PSMA1: variants seen among roughly 807,000 people sequenced by gnomAD.
PSMA1 encodes the protein proteasome subunit alpha type-1.
A neutral mutation model predicts 38.4 loss-of-function variants in PSMA1; 3 were observed. The observed-to-expected ratio is 0.08, with a 90% confidence interval of 0.04 to 0.20. The LOEUF (loss-of-function observed/expected upper bound fraction) is 0.20, where lower values mean the gene tolerates loss of function less well. PSMA1 is among the 10% of genes least tolerant of loss of function. PSMA1 has a pLI of 1.00. For synonymous variants in PSMA1, 101 were observed against 107.1 expected (o/e 0.94, Z 0.35); for missense variants, 227 against 325.3 (o/e 0.70, Z 2.32).
In PSMA1 at chr11:14,534,205, C is replaced by A. The variant is rs1565038709; in HGVS notation, c.22-15164G>T. The stretch of plus-strand genomic sequence containing the variant: ...TCAAAAATACATACATACATACATA[C>A]ATAAATAAAATAAAATAAAAATTAA... On this transcript the variant is annotated intron_variant, in intron 2 of 10. Coordinates refer to the PSMA1 transcript ENST00000418988. The surrounding 1 kb of genome is among the most constrained non-coding windows in gnomAD (Gnocchi z 4.5). 1.3e-5 allele frequency among the ~76,000 whole-genome samples: 2 copies of A among 151,912 alleles called. No individual in the cohort carries two copies. Among genetic ancestry groups the A allele is most frequent in the Admixed American group, 1.3e-4 (2 of 15,234 alleles).
chr11:14,520,641 C>G, upstream of PSMA1: 1 of 498,938 alleles, frequency 2.0e-6, no homozygotes, highest in Non-Finnish European at 3.4e-6. Context: ...GTTTCTCCCG[C>G]TGGCGGGCTG....
intron 1 of PSMA1, among the ~76,000 whole-genome samples, chr11:14,615,881 T>C (rs1193382577): frequency 6.6e-6 from 1 of 152,150 alleles, no homozygotes; most frequent in African/African-American, 2.4e-5. Flanking sequence ...AAGAGCCTTC[T>C]CTTCCTAGGA....
At chr11:14,548,039 C>T (rs1229996529) in intron 2 of PSMA1, among the ~76,000 whole-genome samples, 5 of 151,744 alleles carry the variant, frequency 3.3e-5, no homozygotes, top group African/African-American at 1.2e-4. Context: ...CACACACACA[C>T]CACACAGAGT....
intron 2 of PSMA1, among the ~76,000 whole-genome samples, chr11:14,593,575 C>A (rs531739801): frequency 7.3e-6 from 1 of 137,590 alleles, no homozygotes; most frequent in African/African-American, 2.7e-5. Context: ...AAAGACATTC[C>A]GGGGTTACTG....
chr11:14,605,057 T>C (rs528705270), intron 2 of PSMA1, among the ~76,000 whole-genome samples: 18 of 152,356 alleles, frequency 1.2e-4, no homozygotes, highest in African/African-American at 4.1e-4. Flanking sequence ...TATTTTCTTT[T>C]GGATATATAC....
intron 2 of PSMA1, among the ~76,000 whole-genome samples, chr11:14,592,680 C>T (rs1355912022): frequency 2.6e-5 from 4 of 152,204 alleles, no homozygotes; most frequent in Non-Finnish European, 4.4e-5. Flanking sequence ...TCACTGTGCC[C>T]GGCCAGGGCA....
chr11:14,618,712 A>AT (rs1302795888), intron 1 of PSMA1, among the ~76,000 whole-genome samples: 1 of 152,178 alleles, frequency 6.6e-6, no homozygotes, highest in African/African-American at 2.4e-5. Context: ...TATTCCTTTC[A>AT]TGGTCCTACT....
intron 2 of PSMA1, among the ~76,000 whole-genome samples, chr11:14,570,516 C>A (rs1026017964): frequency 1.3e-5 from 2 of 151,914 alleles, no homozygotes; most frequent in African/African-American, 4.8e-5. Context: ...TAGAGAAGAC[C>A]GTAAATGACC....
chr11:14,514,647 C>A (rs139368923), intron 4 of PSMA1, among the ~76,000 whole-genome samples, 156 bp from the exon 5 acceptor site: 1 of 152,094 alleles, frequency 6.6e-6, no homozygotes, highest in African/African-American at 2.4e-5. Context: ...TGCAAGGGTG[C>A]GTTTTTGTGC....
At chr11:14,569,919 G>T (rs1268362145) in intron 2 of PSMA1, among the ~76,000 whole-genome samples, 1 of 152,232 alleles carries the variant, frequency 6.6e-6, no homozygotes, top group Non-Finnish European at 1.5e-5. Flanking sequence ...CCTCAAGTGG[G>T]TCCCTGACCC....
chr11:14,570,206 G>A (rs2134177483), intron 2 of PSMA1, among the ~76,000 whole-genome samples: 1 of 152,310 alleles, frequency 6.6e-6, no homozygotes, highest in South Asian at 2.1e-4. Flanking sequence ...AACCCCATCT[G>A]TATGTCACCA....
chr11:14,619,158 T>G (rs958594192), intron 1 of PSMA1, among the ~76,000 whole-genome samples: 1 of 152,076 alleles, frequency 6.6e-6, no homozygotes, highest in Non-Finnish European at 1.5e-5. Flanking sequence ...TTAAAAATAC[T>G]GTAATATAGG....
At chr11:14,531,665 G>T (rs941707889) in intron 2 of PSMA1, among the ~76,000 whole-genome samples, 2 of 152,020 alleles carry the variant, frequency 1.3e-5, no homozygotes, top group South Asian at 4.2e-4. Context: ...TTGCCATGTT[G>T]CCCAAGCTGG....
At chr11:14,512,614 C>A (rs145564869) in intron 7 of PSMA1, among the ~76,000 whole-genome samples, 18 of 152,272 alleles carry the variant, frequency 1.2e-4, no homozygotes, top group African/African-American at 4.1e-4. Context: ...AGAAACATCA[C>A]ATACATATTG....
chr11:14,557,280 C>T (rs1178636692), intron 2 of PSMA1, among the ~76,000 whole-genome samples: 1 of 152,104 alleles, frequency 6.6e-6, no homozygotes, highest in Non-Finnish European at 1.5e-5. Flanking sequence ...ACTCTGTCAC[C>T]AGGCTGGAGT....
intron 2 of PSMA1, among the ~76,000 whole-genome samples, chr11:14,537,317 T>A (rs1412025124): frequency 6.6e-6 from 1 of 152,226 alleles, no homozygotes; most frequent in African/African-American, 2.4e-5. Context: ...CATTTTCTCT[T>A]CTTTAAGGTA....
At chr11:14,593,637 AGAGAGAG>A (rs1263033186) in intron 2 of PSMA1, among the ~76,000 whole-genome samples, 2 of 151,200 alleles carry the variant, frequency 1.3e-5, no homozygotes, top group East Asian at 3.9e-4. Context: ...AGAGAGAGAG[AGAGAGAG>A]AGAGAGAGAG....
rs190998556 is a variant in PSMA1, at chr11:14,580,463, A to G, written c.21+30503T>C. 1.3e-3 allele frequency among the ~76,000 whole-genome samples: 192 copies of G among 152,222 alleles called. 1 individual carries two copies. The highest frequency in any genetic ancestry group is 4.2e-3 in the African/African-American group (176 of 41,534). ...AAAAGCCTCCTTATTCTCTTCAATA[A>G]GTTGGCATCTGCCTCTGCTGTGATT... On this transcript the variant is annotated intron_variant, in intron 2 of 10. Coordinates refer to the PSMA1 transcript ENST00000418988.
intron 2 of PSMA1, among the ~76,000 whole-genome samples, chr11:14,556,489 T>A (rs1851942176): frequency 6.6e-6 from 1 of 152,270 alleles, no homozygotes; most frequent in South Asian, 2.1e-4. Flanking sequence ...TAGAATAGTG[T>A]CCTTTTTCAT....
Sources: gnomAD v4.1 joint callset for allele counts (sites outside exome capture counted in the v4.1 genomes callset) on GRCh38, gnomAD v4.1.1 for gene constraint, Gnocchi (gnomAD v3.1) non-coding constraint, MANE v1.5 for transcripts, NCBI Gene and HGNC (gene_info 2026-07-23, HGNC 2026-07-21) for gene names.